Variants in ROS1 observed in about 807,000 individuals in gnomAD.
ROS1 encodes proto-oncogene tyrosine-protein kinase ROS.
In ROS1, 263 loss-of-function variants were observed where a neutral mutation model predicts 273.5. That is an observed-to-expected ratio of 0.96 (90% CI 0.87 to 1.06). The LOEUF is 1.06. ROS1 is among the 50% of genes least tolerant of loss of function. ROS1 has a pLI of 0.00. For missense variants in ROS1, 2,833 were observed against 2,751.1 expected (o/e 1.03, Z -0.67); for synonymous variants, 1,008 against 954.1 (o/e 1.06, Z -1.04).
rs2128644098 is a variant in ROS1 at position 117,356,790 on chromosome 6, C to T, written c.3965G>A (p.Cys1322Tyr). ...ATNQQNKRNQ[C>Y]SCNVTEFELS... ...CTCAAATTCAGTCACATTACAAGAA[C>T]ATTGATTCCTTTTGTTTTGTTGGTT... The change falls in exon 26 of 44, where the codon TGT becomes TAT. Residue 1322 changes from cysteine (C) to tyrosine (Y), a missense_variant. Physicochemically the swap from Cys to Tyr is radical, Grantham distance 194 (BLOSUM62 -2). Coordinates refer to ENST00000368507, the MANE Select transcript of ROS1 (RefSeq NM_001378902.1). The T allele has an allele frequency of 6.2e-7, 1 of 1,614,106 alleles. No individual in the cohort carries two copies. The highest frequency in any genetic ancestry group is 8.5e-7 in the Non-Finnish European group (1 of 1,180,012).
intron 22 of ROS1, among the ~76,000 whole-genome samples, chr6:117,360,993 T>C (rs1779753704): frequency 6.6e-6 from 1 of 152,158 alleles, no homozygotes; most frequent in Non-Finnish European, 1.5e-5. Context: ...TTGAAAATGA[T>C]TGTGCATTTC....
intron 43 of ROS1, among the ~76,000 whole-genome samples, chr6:117,295,877 T>A (rs1250085101): frequency 1.3e-5 from 2 of 152,186 alleles, no homozygotes; most frequent in African/African-American, 4.8e-5. Flanking sequence ...AGAATCCTCA[T>A]ACACTGTTGG....
At chr6:117,318,790 C>T (rs550785835) in intron 37 of ROS1, among the ~76,000 whole-genome samples, 1 of 152,234 alleles carries the variant, frequency 6.6e-6, no homozygotes, top group East Asian at 1.9e-4. Flanking sequence ...ATGTACATCT[C>T]ACACCATCTT....
At chr6:117,358,616 C>T (rs1240375570) in intron 24 of ROS1, among the ~76,000 whole-genome samples, 2 of 152,060 alleles carry the variant, frequency 1.3e-5, no homozygotes, top group African/African-American at 2.4e-5. Context: ...CGCACCACCA[C>T]GTCCAGCTAA....
chr6:117,356,561 C>A (rs1779321112), intron 26 of ROS1, 68 bp downstream of exon 26: 2 of 1,410,190 alleles, frequency 1.4e-6, no homozygotes, highest in East Asian at 4.6e-5. Context: ...AATGCAAGCC[C>A]TTTGTAAATG....
chr6:117,359,240 T>C (rs1779583070), intron 24 of ROS1, among the ~76,000 whole-genome samples: 2 of 152,228 alleles, frequency 1.3e-5, no homozygotes, highest in South Asian at 4.1e-4. Flanking sequence ...CACCACATCC[T>C]GCTCTCAGCA....
chr6:117,303,134 T>C (rs1198838878), intron 42 of ROS1, among the ~76,000 whole-genome samples: 1 of 152,234 alleles, frequency 6.6e-6, no homozygotes, highest in Non-Finnish European at 1.5e-5. Flanking sequence ...AGCCTGGTTT[T>C]CAAGCCTACT....
chr6:117,401,611 A>C (rs2128722113), intron 7 of ROS1, among the ~76,000 whole-genome samples: 1 of 152,302 alleles, frequency 6.6e-6, no homozygotes, highest in African/African-American at 2.4e-5. Context: ...ACTTTTACTT[A>C]ATTACTTATC....
chr6:117,390,697 G>C (rs1772996476), intron 12 of ROS1, among the ~76,000 whole-genome samples: 1 of 152,026 alleles, frequency 6.6e-6, no homozygotes, highest in South Asian at 2.1e-4. Flanking sequence ...AATTGATGCA[G>C]GCAATAGAGC....
chr6:117,401,420 T>A (rs1773921618), intron 7 of ROS1, among the ~76,000 whole-genome samples: 1 of 152,236 alleles, frequency 6.6e-6, no homozygotes. Flanking sequence ...AGTCTCTGGC[T>A]ATGTGTCACA....
At position 117,362,591 on chromosome 6, in the gene ROS1, T is replaced by C. The variant is rs753743182; in HGVS notation, c.3366+12A>G. On this transcript the variant is annotated intron_variant, in intron 22 of 43. Coordinates refer to ENST00000368507, the MANE Select transcript of ROS1 (RefSeq NM_001378902.1). The stretch of plus-strand genomic sequence containing the variant: ...ATTAAGACTCTCATATCTTCTGTTT[T>C]CTCTCTCATACCTGGAAGGCAATAA... The C allele has an allele frequency of 6.2e-7, 1 of 1,608,162 alleles. No homozygotes were observed. The highest frequency in any genetic ancestry group is 1.3e-5 in the African/African-American group (1 of 74,630).
chr6:117,344,689 C>G (rs1582684462), intron 27 of ROS1, among the ~76,000 whole-genome samples: 1 of 152,104 alleles, frequency 6.6e-6, no homozygotes, highest in African/African-American at 2.4e-5. Context: ...GAGGCGGACA[C>G]TATGCAAGAG....
rs372697979 is a variant in ROS1 at position 117,356,677 on chromosome 6, G to C, written c.4078C>G (p.Leu1360Val). Residue 1360 changes from leucine (L) to valine (V), a missense_variant, in exon 26 of 44, where the codon CTG (leucine) becomes GTG (valine). Transcript: ENST00000368507. The stretch of plus-strand genomic sequence containing the variant: ...ACTCTCCAACACTGACAGCCTTCCA[G>C]ATCCATTGCCCAGATCTCTTGTGCT... Reference protein sequence around the residue: ...AKAQEIWAMDLEGCQCWRVIT... With the variant: ...AKAQEIWAMDVEGCQCWRVIT... 3 of 1,613,932 alleles carry C rather than the reference G, an allele frequency of 1.9e-6. 1 individual carries two copies. The South Asian group carries it at 3.3e-5, about 18-fold the overall frequency.
At chr6:117,290,042 T>G (rs564627) in intron 43 of ROS1, among the ~76,000 whole-genome samples, 120,642 of 152,048 alleles carry the variant, frequency 0.79, 48,182 homozygotes, top group Non-Finnish European at 0.83. Flanking sequence ...AAGAAATCAG[T>G]CTAAAGGAAA....
At chr6:117,341,768 C>A (rs913608265) in intron 29 of ROS1, 136 bp from the exon 30 acceptor site, 2 of 667,636 alleles carry the variant, frequency 3.0e-6, no homozygotes, top group Non-Finnish European at 5.1e-6. Flanking sequence ...AGAAAGTCAG[C>A]CTCTTCTATA....
chr6:117,375,455 T>TA (rs1562333543), intron 18 of ROS1, among the ~76,000 whole-genome samples: 1 of 152,076 alleles, frequency 6.6e-6, no homozygotes, highest in Non-Finnish European at 1.5e-5. Context: ...ATAAATTTTT[T>TA]AAAAAAAGAA....
At chr6:117,300,241 G>A (rs1334448381) in intron 43 of ROS1, among the ~76,000 whole-genome samples, 4 of 151,266 alleles carry the variant, frequency 2.6e-5, no homozygotes, top group Non-Finnish European at 5.9e-5. Flanking sequence ...GTGAGCCACC[G>A]CACCCGGCAC....
Position 117,383,350 on chromosome 6 carries a change from T to A in ROS1, c.2448A>T (p.Val816=). ...CAGAAAACCAAGGCTGTGTCTGTAG[T>A]ACAAGGGAACTTTCCCCATTTAGTC... The part of the protein sequence containing the change: ...STRLNGESSL[V]LQTQPWFSGK... Residue 816 remains valine, a synonymous_variant, in exon 17 of 44, where the codon GTA becomes GTT. Transcript: ENST00000368507. The A allele has an allele frequency of 6.2e-7, 1 of 1,614,084 alleles. No individual in the cohort carries two copies. Among genetic ancestry groups the A allele is most frequent in the Non-Finnish European group, 8.5e-7 (1 of 1,179,946 alleles).
intron 39 of ROS1, among the ~76,000 whole-genome samples, chr6:117,315,957 CAA>C (rs1335971986): frequency 1.3e-5 from 2 of 151,978 alleles, no homozygotes; most frequent in Non-Finnish European, 2.9e-5. Context: ...AAAATGAAAA[CAA>C]GAGATATTTA....
Sources: gnomAD v4.1 joint callset for allele counts (sites outside exome capture counted in the v4.1 genomes callset) on GRCh38, gnomAD v4.1.1 for gene constraint, MANE v1.5 for transcripts, NCBI Gene and HGNC (gene_info 2026-07-23, HGNC 2026-07-21) for gene names.